The following ZDHHC2 variants were observed in gnomAD, a reference collection of about 807,000 sequenced individuals.
The protein encoded by ZDHHC2 is zDHHC palmitoyltransferase 2, also known as palmitoyltransferase ZDHHC2.
ZDHHC2 carries 51 observed loss-of-function variants against 55.6 expected under a neutral mutation model. That is an observed-to-expected ratio of 0.92 (90% CI 0.73 to 1.16). The LOEUF (loss-of-function observed/expected upper bound fraction) is 1.16. Among genes scored for constraint, ZDHHC2 ranks in the 50% most tolerant of loss-of-function variants. ZDHHC2 has a pLI of 0.00. For missense variants in ZDHHC2, 491 were observed against 442.4 expected (o/e 1.11, Z -0.99); for synonymous variants, 199 against 152.9 (o/e 1.30, Z -2.22).
At chr8:17,191,235 C>T (rs143541803) in intron 3 of ZDHHC2, among the ~76,000 whole-genome samples, 3,264 of 152,088 alleles carry the variant, frequency 0.021, 56 homozygotes, top group Middle Eastern at 0.048. Context: ...GCTGGGATTA[C>T]AGGCATGAGC....
At chr8:17,175,375 A>G (rs749103792) in intron 1 of ZDHHC2, among the ~76,000 whole-genome samples, 1 of 152,162 alleles carries the variant, frequency 6.6e-6, no homozygotes, top group Non-Finnish European at 1.5e-5. Flanking sequence ...CTGCTTATTC[A>G]CGCTTAAAAG....
At chr8:17,204,476 C>A (rs974158238) in intron 6 of ZDHHC2, among the ~76,000 whole-genome samples, 12 of 152,182 alleles carry the variant, frequency 7.9e-5, no homozygotes, top group Admixed American at 7.9e-4. Flanking sequence ...AAGGTATTAG[C>A]CAATTCCACA....
At chr8:17,178,796 C>G (rs1805283540) in intron 1 of ZDHHC2, among the ~76,000 whole-genome samples, 1 of 152,172 alleles carries the variant, frequency 6.6e-6, no homozygotes, top group Admixed American at 6.5e-5. Context: ...GACAGTCTCA[C>G]TCTTTAACTT....
intron 1 of ZDHHC2, among the ~76,000 whole-genome samples, chr8:17,177,110 ATT>A (rs1805177746): frequency 6.6e-6 from 1 of 152,228 alleles, no homozygotes; most frequent in Admixed American, 6.5e-5. Context: ...CCCCTGGCCA[ATT>A]TTGTCAAAGA....
chr8:17,166,654 A>G (rs1339312850), intron 1 of ZDHHC2, among the ~76,000 whole-genome samples: 1 of 152,158 alleles, frequency 6.6e-6, no homozygotes, highest in Non-Finnish European at 1.5e-5. Flanking sequence ...AGAGTTCAGG[A>G]GATGAGTAGG....
chr8:17,205,007 C>T (rs1456847526), intron 6 of ZDHHC2, among the ~76,000 whole-genome samples: 1 of 152,026 alleles, frequency 6.6e-6, no homozygotes, highest in East Asian at 1.9e-4. Context: ...ATATTTAGAG[C>T]CGACTTTTGG....
intron 1 of ZDHHC2, among the ~76,000 whole-genome samples, chr8:17,177,621 G>A (rs568720506): frequency 6.6e-6 from 1 of 152,282 alleles, no homozygotes; most frequent in Non-Finnish European, 1.5e-5. Context: ...GTTCTCAACA[G>A]TGTAAGCACA....
chr8:17,199,567 C>CT (rs1806580131), intron 6 of ZDHHC2, among the ~76,000 whole-genome samples: 1 of 36,422 alleles, frequency 2.7e-5, no homozygotes, highest in Non-Finnish European at 1.7e-4. Flanking sequence ...TCGTCTTCTT[C>CT]GTCTTTGTCT....
chr8:17,213,631 C>T (rs1264045783), intron 10 of ZDHHC2, among the ~76,000 whole-genome samples: 1 of 152,090 alleles, frequency 6.6e-6, no homozygotes, highest in Non-Finnish European at 1.5e-5. Context: ...TATTTCTCTT[C>T]CTCCATAACA....
At chr8:17,188,938 C>T (rs974405372) in intron 3 of ZDHHC2, among the ~76,000 whole-genome samples, 2 of 152,064 alleles carry the variant, frequency 1.3e-5, no homozygotes, top group African/African-American at 2.4e-5. Context: ...TTCTCTCGGA[C>T]GCCACATCTA....
At position 17,210,033 on chromosome 8, in the gene ZDHHC2, T is replaced by C; in HGVS notation, c.832T>C (p.Tyr278His). The change falls in exon 9 of 13, where the codon TAC (tyrosine) becomes CAC (histidine). Residue 278 changes from tyrosine (Y) to histidine (H), a missense_variant. Transcript: ENST00000262096. ...MRQVFGDEKK[Y>H]WLLPIFSSLG... ...ACAAGTTTTTGGTGATGAGAAGAAGTACTGGTTGCTACCCATTTTTTCAAG... is the reference window on the plus strand; with the variant it reads ...ACAAGTTTTTGGTGATGAGAAGAAGCACTGGTTGCTACCCATTTTTTCAAG... 1.2e-6 allele frequency: 2 copies of C among 1,604,932 alleles called. No individual in the cohort carries two copies. Among genetic ancestry groups the C allele is most frequent in the Non-Finnish European group, 1.7e-6 (2 of 1,175,058 alleles).
intron 1 of ZDHHC2, among the ~76,000 whole-genome samples, chr8:17,171,789 T>C (rs762171261): frequency 6.6e-6 from 1 of 151,180 alleles, no homozygotes; most frequent in Non-Finnish European, 1.5e-5. Flanking sequence ...GATACTGCCT[T>C]CTTCTGCTTG....
chr8:17,165,112 G>T (rs1804539616), intron 1 of ZDHHC2, among the ~76,000 whole-genome samples: 1 of 152,158 alleles, frequency 6.6e-6, no homozygotes, highest in African/African-American at 2.4e-5. Flanking sequence ...CTCCAGAACA[G>T]CTGAGCTGGA....
intron 1 of ZDHHC2, among the ~76,000 whole-genome samples, chr8:17,171,113 C>T (rs1804832207): frequency 6.6e-6 from 1 of 151,976 alleles, no homozygotes; most frequent in South Asian, 2.1e-4. Context: ...GTGGTCTTTC[C>T]TCAAGAAGGG....
chr8:17,160,552 C>T (rs920308243), intron 1 of ZDHHC2, among the ~76,000 whole-genome samples: 1 of 152,180 alleles, frequency 6.6e-6, no homozygotes, highest in Non-Finnish European at 1.5e-5. Context: ...CAGCTATGAC[C>T]TTAGCTGCTG....
rs376482946 is a variant in ZDHHC2 at position 17,163,268 on chromosome 8, C to T, written c.130+6415C>T. The stretch of plus-strand genomic sequence containing the variant: ...AACACTGGAACCACCACTGCTCCCC[C>T]AGCCTGGTAACAGCGGGTCCAGTGT... On this transcript the variant is annotated intron_variant, in intron 1 of 12. Transcript: ENST00000262096. Among the ~76,000 whole-genome samples the T allele has an allele frequency of 2.6e-5, 4 of 152,208 alleles. No homozygotes were observed. In the East Asian group the frequency reaches 7.8e-4, roughly 30 times the overall value.
At chr8:17,177,432 A>T (rs1768277627) in intron 1 of ZDHHC2, among the ~76,000 whole-genome samples, 1 of 152,238 alleles carries the variant, frequency 6.6e-6, no homozygotes, top group African/African-American at 2.4e-5. Context: ...CATATTGTAA[A>T]GATATTAAAG....
chr8:17,156,572 G>T lies in ZDHHC2; in HGVS notation c.-152G>T. On this transcript the variant is annotated 5_prime_UTR_variant, in exon 1 of 13. The change abolishes an upstream ATG in the 5' untranslated region. Coordinates refer to ENST00000262096, the MANE Select transcript of ZDHHC2 (RefSeq NM_016353.5). ...CCGCGCCGGCTCGGGGCTGCGGGAT[G>T]GGGAGTTAGCGCCACGGCGGCGGCA... 2.4e-6 allele frequency: 1 copy of T among 425,064 alleles called. No homozygotes were observed. The highest frequency in any genetic ancestry group is 9.6e-5 in the South Asian group (1 of 10,394). 26.3% of individuals were successfully genotyped at this position (425,064 alleles called of 1,614,324 possible).
intron 8 of ZDHHC2, 92 bp downstream of exon 8, chr8:17,208,184 T>C: frequency 1.5e-6 from 2 of 1,310,236 alleles, no homozygotes; most frequent in Non-Finnish European, 2.0e-6. Flanking sequence ...CAACTTGCCC[T>C]GAAGTGGTGG....
Sources: allele counts gnomAD v4.1 joint callset (sites outside exome capture counted in the v4.1 genomes callset), GRCh38; gene constraint gnomAD v4.1.1; transcripts MANE v1.5; gene names NCBI Gene and HGNC (gene_info 2026-07-23, HGNC 2026-07-21).